The following ASAP2 variants were observed in gnomAD, a reference collection of about 807,000 sequenced individuals.
ASAP2 encodes ArfGAP with SH3 domain, ankyrin repeat and PH domain 2, also known as arf-GAP with SH3 domain, ANK repeat and PH domain-containing protein 2.
In ASAP2, 45 loss-of-function variants were observed where a neutral mutation model predicts 131.4. The ratio of observed to expected loss-of-function variants is 0.34; its 90% CI spans 0.27 to 0.44. ASAP2 has a LOEUF of 0.44. Among genes scored for constraint, ASAP2 ranks in the 20% least tolerant of loss-of-function variants. The pLI, the probability that ASAP2 is intolerant of heterozygous loss-of-function variation, is 1.00. For missense variants in ASAP2, 1,011 were observed against 1,297.0 expected (o/e 0.78, Z 3.39); for synonymous variants, 510 against 503.0 (o/e 1.01, Z -0.19).
intron 2 of ASAP2, among the ~76,000 whole-genome samples, chr2:9,279,619 G>A (rs112251882): frequency 1.3e-5 from 2 of 152,114 alleles, no homozygotes; most frequent in African/African-American, 4.8e-5. Flanking sequence ...GTCATCCTCC[G>A]TGCTGTCTGT....
intron 16 of ASAP2, 46 bp downstream of exon 16, chr2:9,368,565 C>T: frequency 6.4e-7 from 1 of 1,565,628 alleles, no homozygotes; most frequent in Non-Finnish European, 8.8e-7. Flanking sequence ...AAAGGTTTGC[C>T]TTTGCCCGAG....
At chr2:9,359,532 C>T (rs1672950165) in intron 15 of ASAP2, among the ~76,000 whole-genome samples, 1 of 152,228 alleles carries the variant, frequency 6.6e-6, no homozygotes, top group South Asian at 2.1e-4. Flanking sequence ...CATGAGCTTT[C>T]ATGACTGTCT....
intron 1 of ASAP2, among the ~76,000 whole-genome samples, chr2:9,253,613 C>T (rs1008791853): frequency 5.3e-5 from 8 of 152,216 alleles, no homozygotes; most frequent in African/African-American, 1.9e-4. Context: ...GCGCTGCTTT[C>T]TGTCCTTACA....
rs759874920 is a variant in ASAP2, at chr2:9,388,286, T to C, written c.2131-8T>C. 4 of 1,613,318 alleles carry C rather than the reference T, an allele frequency of 2.5e-6. No homozygotes were observed. In the South Asian group the frequency reaches 4.4e-5, roughly 18 times the overall value. ...CTCACACGCCTCTGCCCCAATGTTC[T>C]CCTGCAGCCCAGTCCCAACCGGCGG... On this transcript the variant is annotated splice_region_variant and splice_polypyrimidine_tract_variant and intron_variant, in intron 21 of 27. Coordinates refer to ENST00000281419, the MANE Select transcript of ASAP2 (RefSeq NM_003887.3).
chr2:9,398,207 G>T (rs940870765), intron 24 of ASAP2, among the ~76,000 whole-genome samples: 12 of 151,966 alleles, frequency 7.9e-5, no homozygotes, highest in Admixed American at 2.0e-4. Context: ...TTGAAACAGA[G>T]ATGCTAGAAT....
chr2:9,308,842 G>GT (rs1669115418), intron 3 of ASAP2, among the ~76,000 whole-genome samples: 1 of 152,202 alleles, frequency 6.6e-6, no homozygotes, highest in African/African-American at 2.4e-5. Flanking sequence ...AATTGCAAGG[G>GT]TTGAATGGGA....
At chr2:9,364,698 C>T (rs757977976) in intron 15 of ASAP2, among the ~76,000 whole-genome samples, 1 of 152,154 alleles carries the variant, frequency 6.6e-6, no homozygotes, top group Non-Finnish European at 1.5e-5. Flanking sequence ...TCCTCAAAGA[C>T]GAAGAACTTA....
chr2:9,368,313 T>A (rs1673636390), intron 15 of ASAP2, 112 bp from the exon 16 acceptor site: 1 of 958,212 alleles, frequency 1.0e-6, no homozygotes, highest in African/African-American at 1.6e-5. Context: ...AACCACTTTA[T>A]TGCTCTATTT....
chr2:9,260,917 G>A (rs1255688134), intron 1 of ASAP2, among the ~76,000 whole-genome samples: 3 of 152,188 alleles, frequency 2.0e-5, no homozygotes, highest in Non-Finnish European at 4.4e-5. Context: ...AGAAGATTCT[G>A]AAACAAGGAA....
chr2:9,400,857 T>C (rs1220355664), intron 26 of ASAP2, 27 bp downstream of exon 26: 7 of 1,600,748 alleles, frequency 4.4e-6, no homozygotes, highest in African/African-American at 1.3e-5. Flanking sequence ...CTTTCCTGCC[T>C]CTCTGCTCTA....
At chr2:9,331,692 C>T (rs1670852036) in intron 7 of ASAP2, among the ~76,000 whole-genome samples, 1 of 152,078 alleles carries the variant, frequency 6.6e-6, no homozygotes, top group Non-Finnish European at 1.5e-5. Flanking sequence ...CACTTGAACC[C>T]AAGAGGCGGA....
At chr2:9,308,862 C>T (rs1669115946) in intron 3 of ASAP2, among the ~76,000 whole-genome samples, 2 of 152,138 alleles carry the variant, frequency 1.3e-5, no homozygotes, top group Admixed American at 6.5e-5. Context: ...ATTAAAGGGC[C>T]CTGTGTCATC....
intron 21 of ASAP2, among the ~76,000 whole-genome samples, chr2:9,387,784 T>C (rs1332483431): frequency 6.6e-6 from 1 of 152,240 alleles, no homozygotes; most frequent in African/African-American, 2.4e-5. Flanking sequence ...AAGAAATACC[T>C]GAGACTGGGT....
At chr2:9,235,795 C>CTG (rs1663509272) in intron 1 of ASAP2, among the ~76,000 whole-genome samples, 1 of 152,144 alleles carries the variant, frequency 6.6e-6, no homozygotes, top group Non-Finnish European at 1.5e-5. Context: ...TGTCTGAACC[C>CTG]TGAGGGTAGA....
At chr2:9,226,811 G>A (rs115182589) in intron 1 of ASAP2, among the ~76,000 whole-genome samples, 61 of 152,312 alleles carry the variant, frequency 4.0e-4, no homozygotes, top group African/African-American at 1.2e-3. Flanking sequence ...CATCATCGGT[G>A]TGTGATCTCT....
intron 2 of ASAP2, among the ~76,000 whole-genome samples, chr2:9,285,158 A>G (rs1667386286): frequency 6.6e-6 from 1 of 152,072 alleles, no homozygotes; most frequent in South Asian, 2.1e-4. Context: ...TTCTAGGAAA[A>G]AGTTTTTGAA....
rs1382330988 is a variant in ASAP2 at position 9,380,789 on chromosome 2, A to G, written c.1997A>G (p.His666Arg). ...CTGGACATTGCCAAGCGCCTCAAGC[A>G]CGAGCACTGTGAGGAGCTGGTGAGT... ...TPLDIAKRLKHEHCEELLTQA... is the reference protein window; with the variant it reads ...TPLDIAKRLKREHCEELLTQA... The change falls in exon 20 of 28, where the codon CAC (histidine) becomes CGC (arginine). Residue 666 changes from histidine (H) to arginine (R), a missense_variant. His to Arg is a conservative substitution (Grantham distance 29). This residue lies in a region of ASAP2 where 652 missense variants were observed against 698.9 expected (regional missense o/e 0.93). Coordinates refer to ENST00000281419, the MANE Select transcript of ASAP2 (RefSeq NM_003887.3). The G allele has an allele frequency of 2.0e-5, 32 of 1,614,042 alleles. No individual in the cohort carries two copies. The highest frequency in any genetic ancestry group is 2.6e-5 in the Non-Finnish European group (31 of 1,180,034).
chr2:9,371,224 C>T (rs1042349814), intron 16 of ASAP2, among the ~76,000 whole-genome samples: 5 of 152,152 alleles, frequency 3.3e-5, no homozygotes, highest in African/African-American at 9.7e-5. Flanking sequence ...CGTGTGATGG[C>T]GAAACATCAG....
chr2:9,382,929 C>T (rs145510574), intron 20 of ASAP2, among the ~76,000 whole-genome samples: 222 of 152,230 alleles, frequency 1.5e-3, no homozygotes, highest in African/African-American at 5.1e-3. Flanking sequence ...GCTGGCTGAG[C>T]GGTGGGAGGA....
Sources: allele counts gnomAD v4.1 joint callset (sites outside exome capture counted in the v4.1 genomes callset), GRCh38; gene constraint gnomAD v4.1.1; regional missense constraint gnomAD v4.1.1; transcripts MANE v1.5; gene names NCBI Gene and HGNC (gene_info 2026-07-23, HGNC 2026-07-21).